Variants in CFAP92 observed in about 807,000 individuals in gnomAD.
The protein encoded by CFAP92 is uncharacterized protein CFAP92.
In CFAP92, 86 loss-of-function variants were observed where a neutral mutation model predicts 106.3. The observed-to-expected ratio is 0.81, with a 90% CI of 0.68 to 0.97. The LOEUF (loss-of-function observed/expected upper bound fraction) is 0.97, where lower values mean the gene tolerates loss of function less well. CFAP92 is among the 50% of genes least tolerant of loss of function. CFAP92 has a pLI of 0.00. For synonymous variants in CFAP92, 477 were observed against 506.4 expected, an observed-to-expected ratio of 0.94 and a Z score of 0.78; for missense variants, 1,204 against 1,283.8, an observed-to-expected ratio of 0.94 and a Z score of 0.95.
In CFAP92 at chr3:128,910,291, T is replaced by C. The variant is rs1313849872; in HGVS notation, c.*8A>G. 4.0e-6 allele frequency: 6 copies of C among 1,511,146 alleles called. No individual in the cohort carries two copies. In the East Asian group the frequency reaches 1.2e-4, roughly 31 times the overall value. 93.6% of individuals were successfully genotyped at this position (1,511,146 alleles called of 1,614,324 possible). A position where few individuals can be genotyped will look rare whatever the true frequency, so the allele number is the denominator to read the frequency against. On this transcript the variant is annotated 3_prime_UTR_variant, in exon 16 of 16. Coordinates refer to ENST00000645291, the MANE Select transcript of CFAP92 (RefSeq NM_001394090.1). ...ACCATGCGGTGGCCGTGGGAGGGTC[T>C]GTGCTGCTCAGGAGATGGGGCTGTT...
chr3:128,940,878 T>G (rs1368006869), intron 10 of CFAP92, among the ~76,000 whole-genome samples: 2 of 151,604 alleles, frequency 1.3e-5, no homozygotes, highest in African/African-American at 4.8e-5. Context: ...TGGACTTTGA[T>G]GAAAAAAAAA....
upstream of CFAP92, chr3:129,003,989 C>A: frequency 6.7e-7 from 1 of 1,499,046 alleles, no homozygotes; most frequent in South Asian, 1.2e-5. Context: ...CAGCCTGCAC[C>A]GCGTGCGAGA....
intron 9 of CFAP92, among the ~76,000 whole-genome samples, chr3:128,963,835 C>T (rs1241869416): frequency 2.0e-5 from 3 of 150,460 alleles, no homozygotes; most frequent in Non-Finnish European, 4.4e-5. Flanking sequence ...TCTACTACTC[C>T]TCAGGGATTA....
chr3:129,007,301 C>T (rs554509102), upstream of CFAP92, among the ~76,000 whole-genome samples: 1 of 152,332 alleles, frequency 6.6e-6, no homozygotes, highest in Non-Finnish European at 1.5e-5. Context: ...GAATCAGCCC[C>T]GTCCTCTGCA....
chr3:128,916,114 A>G lies in CFAP92; in HGVS notation c.2909T>C (p.Ile970Thr), dbSNP rs933181174. ...ELAKKELYQE[I>T]AKEPRKRFTY... ...CCTGTCTGGGTCTCTCACCTTGGCT[A>G]TCTCTTGATACAGCTCCTTCTTGGC... The change falls in exon 13 of 16, where the codon ATA (isoleucine) becomes ACA (threonine). Residue 970 changes from isoleucine to threonine, a missense_variant. Transcript: ENST00000645291. 32 of 1,232,170 alleles carry G rather than the reference A, an allele frequency of 2.6e-5. No homozygotes were observed. The highest frequency in any genetic ancestry group is 4.7e-5 in the African/African-American group (3 of 64,400). 76.3% of individuals were successfully genotyped at this position (1,232,170 alleles called of 1,614,324 possible). A position where few individuals can be genotyped will look rare whatever the true frequency, so the allele number is the denominator to read the frequency against.
At chr3:128,912,982 CCA>C (rs1936515354) in intron 15 of CFAP92, 1 of 470,180 alleles carries the variant, frequency 2.1e-6, no homozygotes, top group South Asian at 1.5e-5. Flanking sequence ...TTCTGCTCAA[CCA>C]CACATTCTCT....
Position 128,932,853 on chromosome 3 carries a change from A to G in CFAP92, c.2598T>C (p.Phe866=), listed in dbSNP as rs1016765694. Residue 866 remains phenylalanine, a synonymous_variant, in exon 12 of 16, where the codon TTT becomes TTC. Transcript: ENST00000645291. ...TGGGGGCAGGCTGAGGTGGTAGGGC[A>G]AACAGTTTCTCATCTGTGAGTTCTT... is the stretch of plus-strand genomic sequence containing the variant. ...SQEELTDEKL[F]ALPPQPAPNL... is the part of the protein sequence containing the mutation. 112 of 1,536,108 alleles carry G rather than the reference A, an allele frequency of 7.3e-5. No individual in the cohort carries two copies. The highest frequency in any genetic ancestry group is 9.3e-5 in the Non-Finnish European group (107 of 1,146,924).
chr3:128,923,512 A>C (rs1406494095), intron 12 of CFAP92, among the ~76,000 whole-genome samples: 1 of 152,248 alleles, frequency 6.6e-6, no homozygotes, highest in East Asian at 1.9e-4. Context: ...CCTGTTCAGC[A>C]TGAAGAAGTT....
At chr3:129,020,853 C>G in the CFAP92 span, among the ~76,000 whole-genome samples, 2 of 152,190 alleles carry the variant, frequency 1.3e-5, no homozygotes, top group Non-Finnish European at 2.9e-5. Context: ...CACCACCCTT[C>G]TGAAGGCTGG....
At chr3:129,002,062 T>C in intron 1 of CFAP92, 2 of 1,538,746 alleles carry the variant, frequency 1.3e-6, no homozygotes, top group Non-Finnish European at 1.8e-6. Context: ...TTCCGCCAGT[T>C]CCACGCGCGC....
chr3:128,967,813 T>C (rs568502715), intron 8 of CFAP92: 101 of 152,208 alleles, frequency 6.6e-4, no homozygotes, highest in Non-Finnish European at 9.1e-4. Flanking sequence ...CAGAACAGAA[T>C]TCCAGGCTGC....
At chr3:128,965,488 C>T (rs1463972601) in intron 9 of CFAP92, 23 bp downstream of exon 9, 3 of 398,892 alleles carry the variant, frequency 7.5e-6, no homozygotes, top group Non-Finnish European at 1.3e-5. Flanking sequence ...GCTCTAAACT[C>T]CATGGGTCCG....
At chr3:128,912,725 G>A (rs773593776) in intron 15 of CFAP92, 15 of 972,176 alleles carry the variant, frequency 1.5e-5, no homozygotes, top group Middle Eastern at 2.1e-4. Flanking sequence ...TTTGTTCCCC[G>A]TCTGCACCTG....
chr3:128,941,608 CT>C (rs1373537975), intron 10 of CFAP92, among the ~76,000 whole-genome samples: 1 of 152,120 alleles, frequency 6.6e-6, no homozygotes, highest in African/African-American at 2.4e-5. Flanking sequence ...TCCCAAGTAG[CT>C]GGGAATACAA....
intron 9 of CFAP92, among the ~76,000 whole-genome samples, chr3:128,961,609 A>G (rs1941925989): frequency 6.6e-6 from 1 of 152,168 alleles, no homozygotes; most frequent in South Asian, 2.1e-4. Flanking sequence ...TTTATCCCAA[A>G]TCAGATAGCG....
rs761825103 is a variant in CFAP92 at position 128,945,397 on chromosome 3, G to A, written c.1932C>T (p.Ala644=). Residue 644 remains alanine, a synonymous_variant, in exon 10 of 16, where the codon GCC becomes GCT. Coordinates refer to ENST00000645291, the MANE Select transcript of CFAP92 (RefSeq NM_001394090.1). ...GGTCAGGATCAGCAGCTCTGGCCCC[G>A]GCCCTCAGTGGCACCGCGATGTCCA... The part of the protein sequence containing the change: ...LRVDIAVPLR[A]GARAADPDLG... 1.2e-5 allele frequency: 18 copies of A among 1,535,998 alleles called. No individual in the cohort carries two copies. Among genetic ancestry groups the A allele is most frequent in the African/African-American group, 4.1e-5 (3 of 73,030 alleles).
At chr3:129,021,066 C>T in the CFAP92 span, among the ~76,000 whole-genome samples, 1 of 152,134 alleles carries the variant, frequency 6.6e-6, no homozygotes, top group Non-Finnish European at 1.5e-5. Context: ...GGGTTTGCCT[C>T]AGTGACTGGA....
At chr3:128,992,284 G>A (rs1348523093) in intron 2 of CFAP92, among the ~76,000 whole-genome samples, 4 of 152,104 alleles carry the variant, frequency 2.6e-5, no homozygotes, top group Admixed American at 6.5e-5. Context: ...TTTTTTGGCC[G>A]GGTGCGGTGG....
At position 128,977,016 on chromosome 3, in the gene CFAP92, C is replaced by T; in HGVS notation, c.859G>A (p.Glu287Lys). The part of the protein sequence containing the change: ...ETSSKNSEEY[E>K]KSLKMDDSST... Reference sequence around the variant, plus strand: ...GAATCGTCCATTTTGAGGGACTTCTCATATTCCTCACTGTTCTTGGAAGAA... The same window carrying T: ...GAATCGTCCATTTTGAGGGACTTCTTATATTCCTCACTGTTCTTGGAAGAA... Residue 287 changes from glutamate (E) to lysine (K), a missense_variant, in exon 6 of 16, where the codon GAG becomes AAG. By Grantham distance (56) the Glu-to-Lys change is moderately conservative (BLOSUM62 1). Transcript: ENST00000645291. 6.2e-7 allele frequency: 1 copy of T among 1,613,914 alleles called. No homozygotes were observed. Among genetic ancestry groups the T allele is most frequent in the Non-Finnish European group, 8.5e-7 (1 of 1,179,858 alleles).
Sources: gnomAD v4.1 joint callset for allele counts (sites outside exome capture counted in the v4.1 genomes callset) on GRCh38, gnomAD v4.1.1 for gene constraint, MANE v1.5 for transcripts, NCBI Gene and HGNC (gene_info 2026-07-23, HGNC 2026-07-21) for gene names.